Variants in EXOC7 observed in about 807,000 individuals in gnomAD.
EXOC7 encodes exocyst complex component Exo70.
A neutral mutation model predicts 87.6 loss-of-function variants in EXOC7; 51 were observed. That is an observed-to-expected ratio of 0.58 (90% CI 0.46 to 0.73). The LOEUF (loss-of-function observed/expected upper bound fraction) is 0.73. Ranked by LOEUF, EXOC7 falls within the 30% of genes least tolerant of loss-of-function variation. EXOC7 has a pLI of 0.00. For missense variants in EXOC7, 744 were observed against 888.4 expected (o/e 0.84, Z 2.07); for synonymous variants, 327 against 357.1 (o/e 0.92, Z 0.95).
In EXOC7 at chr17:76,082,938, T is replaced by G; in HGVS notation, c.*710A>C. 3.5e-6 allele frequency: 1 copy of G among 289,776 alleles called. No homozygotes were observed. Among genetic ancestry groups the G allele is most frequent in the Non-Finnish European group, 6.4e-6 (1 of 155,816 alleles). 18.0% of individuals were successfully genotyped at this position (289,776 alleles called of 1,614,324 possible). A position where few individuals can be genotyped will look rare whatever the true frequency, so the allele number is the denominator to read the frequency against. ...CCCAGCCCACAGGCAGGCAGCCTAA[T>G]TGCTCCTTCTGCAACCACGACTGCC... On this transcript the variant is annotated 3_prime_UTR_variant, in exon 19 of 19. Transcript: ENST00000589210.
chr17:76,081,317 T>C lies in EXOC7; in HGVS notation c.*2331A>G, dbSNP rs773508955. The C allele has an allele frequency of 3.1e-5, 50 of 1,613,904 alleles. No individual in the cohort carries two copies. The highest frequency in any genetic ancestry group is 4.1e-5 in the Non-Finnish European group (48 of 1,179,996). On this transcript the variant is annotated 3_prime_UTR_variant, in exon 19 of 19. Coordinates refer to ENST00000589210, the MANE Select transcript of EXOC7 (RefSeq NM_001013839.4). ...TTCCAGGCCCACGTGGTGAACGAGATTGTGAGTGTCAAGAGGGAATACGTA... is the reference window on the plus strand; with the variant it reads ...TTCCAGGCCCACGTGGTGAACGAGACTGTGAGTGTCAAGAGGGAATACGTA...
At chr17:76,085,259 G>A in intron 15 of EXOC7, 55 bp downstream of exon 15, 3 of 1,382,982 alleles carry the variant, frequency 2.2e-6, no homozygotes, top group Non-Finnish European at 3.0e-6. Flanking sequence ...TGAGAAGGAA[G>A]AGTGCGTGGT....
Position 76,082,262 on chromosome 17 carries a change from C to T in EXOC7, c.*1386G>A. The T allele has an allele frequency of 2.6e-6, 2 of 770,462 alleles. No individual in the cohort carries two copies. Among genetic ancestry groups the T allele is most frequent in the Non-Finnish European group, 4.0e-6 (2 of 495,112 alleles). 47.7% of individuals were successfully genotyped at this position (770,462 alleles called of 1,614,324 possible). A position where few individuals can be genotyped will look rare whatever the true frequency, so the allele number is the denominator to read the frequency against. On this transcript the variant is annotated 3_prime_UTR_variant, in exon 19 of 19. Coordinates refer to ENST00000589210, the MANE Select transcript of EXOC7 (RefSeq NM_001013839.4). ...CCTGAAGTCCCAGGTGACCTCAATC[C>T]CCTGATAACCCATGCCTTGCACAGC...
chr17:76,081,249 G>C lies in EXOC7; in HGVS notation c.*2399C>G, dbSNP rs1272758693. The C allele has an allele frequency of 1.9e-6, 3 of 1,611,968 alleles. No individual in the cohort carries two copies. The highest frequency in any genetic ancestry group is 2.7e-5 in the African/African-American group (2 of 74,886). ...TTGGCAGCTGGGATCTCTCCTTCCTGGTTCATAGTTCTCATTCCCACCCCT... is the reference window on the plus strand; with the variant it reads ...TTGGCAGCTGGGATCTCTCCTTCCTCGTTCATAGTTCTCATTCCCACCCCT... On this transcript the variant is annotated 3_prime_UTR_variant, in exon 19 of 19. Transcript: ENST00000589210.
In EXOC7 at chr17:76,081,021, T is replaced by C. The variant is rs936024449; in HGVS notation, c.*2627A>G. On this transcript the variant is annotated 3_prime_UTR_variant, in exon 19 of 19. Transcript: ENST00000589210. ...GACCACTTCTCCCTCCATCATGAAG[T>C]GGTGCAAAGTACATTTATTTTTACA... 1.6e-5 allele frequency: 7 copies of C among 446,800 alleles called. No individual in the cohort carries two copies. The highest frequency in any genetic ancestry group is 2.9e-5 in the Non-Finnish European group (7 of 239,028). 27.7% of individuals were successfully genotyped at this position (446,800 alleles called of 1,614,324 possible). A position where few individuals can be genotyped will look rare whatever the true frequency, so the allele number is the denominator to read the frequency against.
chr17:76,101,439 G>A (rs2068056364), intron 3 of EXOC7, 63 bp from the exon 4 acceptor site: 1 of 1,576,818 alleles, frequency 6.3e-7, no homozygotes, highest in African/African-American at 1.4e-5. Flanking sequence ...TAAGGACACA[G>A]TATTTGGGAA....
intron 2 of EXOC7, among the ~76,000 whole-genome samples, chr17:76,102,735 G>A (rs1567994411): frequency 2.0e-5 from 3 of 152,186 alleles, no homozygotes; most frequent in Admixed American, 1.3e-4. Context: ...GAATAAAGAA[G>A]GAAACTCACT....
chr17:76,083,887 T>A, intron 18 of EXOC7, 119 bp downstream of exon 18: 1 of 1,481,914 alleles, frequency 6.7e-7, no homozygotes, highest in Non-Finnish European at 9.1e-7. Context: ...AAAGCCCAGG[T>A]CGCTGGATCT....
Position 76,082,438 on chromosome 17 carries a change from C to A in EXOC7, c.*1210G>T. The A allele has an allele frequency of 6.3e-7, 1 of 1,577,558 alleles. No individual in the cohort carries two copies. Among genetic ancestry groups the A allele is most frequent in the Non-Finnish European group, 8.6e-7 (1 of 1,160,896 alleles). ...GTTGAGGGGACCTTGAAGAACAGCT[C>A]CTTTCCCTGTATCTCTCCCCACAGA... On this transcript the variant is annotated 3_prime_UTR_variant, in exon 19 of 19. Transcript: ENST00000589210.
chr17:76,087,754 T>C (rs762750084), intron 11 of EXOC7, 34 bp from the exon 12 acceptor site: 3 of 1,548,770 alleles, frequency 1.9e-6, no homozygotes, highest in East Asian at 2.4e-5. Flanking sequence ...GAAGGGCAAG[T>C]GGCAGGCCCG....
chr17:76,101,615 AGACC>A, intron 3 of EXOC7, 60 bp downstream of exon 3: 2 of 1,535,802 alleles, frequency 1.3e-6, no homozygotes, highest in Non-Finnish European at 1.8e-6. Context: ...TTGGGATTAC[AGACC>A]AACCCTCCTG....
chr17:76,087,370 G>A (rs2067258290), intron 12 of EXOC7: 2 of 497,074 alleles, frequency 4.0e-6, no homozygotes, highest in African/African-American at 3.9e-5. Context: ...GGGGCAGAAA[G>A]GACACCTTCC....
At chr17:76,103,335 T>G (rs2144720382) in intron 2 of EXOC7, 26 bp downstream of exon 2, 3 of 1,570,828 alleles carry the variant, frequency 1.9e-6, no homozygotes, top group East Asian at 2.3e-5. Flanking sequence ...AGGCCTGCCC[T>G]CTCCCCCAGC....
At chr17:76,101,455 AAATT>A in intron 3 of EXOC7, 79 bp from the exon 4 acceptor site, 1 of 1,557,840 alleles carries the variant, frequency 6.4e-7, no homozygotes, top group South Asian at 1.2e-5. Context: ...GGGAAAAAGA[AAATT>A]AATACAGGGG....
At chr17:76,090,194 G>T in intron 7 of EXOC7, 1 of 981,840 alleles carries the variant, frequency 1.0e-6, no homozygotes, top group South Asian at 1.7e-5. Context: ...GAGAGAGAGT[G>T]GAGAGAGAGG....
At chr17:76,091,481 G>A in intron 6 of EXOC7, 1 of 513,892 alleles carries the variant, frequency 1.9e-6, no homozygotes, top group Non-Finnish European at 3.5e-6. Flanking sequence ...ATTTCTGAAA[G>A]GACAGAGGGT....
In EXOC7 at chr17:76,101,425, G is replaced by A. The variant is rs763315997; in HGVS notation, c.312-49C>T. The A allele has an allele frequency of 8.7e-6, 14 of 1,600,352 alleles. No individual in the cohort carries two copies. The Admixed American group carries it at 1.9e-4, about 22-fold the overall frequency. On this transcript the variant is annotated intron_variant, in intron 3 of 18. Transcript: ENST00000589210. ...AGGCTGGGGCATGGGGGATGAAGAA[G>A]GACTAAGGACACAGTATTTGGGAAA...
Position 76,081,020 on chromosome 17 carries a change from G to A in EXOC7, c.*2628C>T. ...TGACCACTTCTCCCTCCATCATGAA[G>A]TGGTGCAAAGTACATTTATTTTTAC... On this transcript the variant is annotated 3_prime_UTR_variant, in exon 19 of 19. Transcript: ENST00000589210. 2.2e-6 allele frequency: 1 copy of A among 446,346 alleles called. No individual in the cohort carries two copies. The highest frequency in any genetic ancestry group is 4.2e-6 in the Non-Finnish European group (1 of 238,642). 27.6% of individuals were successfully genotyped at this position (446,346 alleles called of 1,614,324 possible). A position where few individuals can be genotyped will look rare whatever the true frequency, so the allele number is the denominator to read the frequency against.
At chr17:76,100,648 T>A (rs1036393585) in intron 4 of EXOC7, among the ~76,000 whole-genome samples, 54 of 147,400 alleles carry the variant, frequency 3.7e-4, no homozygotes, top group African/African-American at 1.3e-3. Context: ...AAAAAAAAAA[T>A]TTATATTATG....
Sources: allele counts gnomAD v4.1 joint callset (sites outside exome capture counted in the v4.1 genomes callset), GRCh38; gene constraint gnomAD v4.1.1; transcripts MANE v1.5; gene names NCBI Gene and HGNC (gene_info 2026-07-23, HGNC 2026-07-21).